SDK1: variants seen among roughly 807,000 people sequenced by gnomAD.
SDK1 encodes the protein protein sidekick-1.
In SDK1, 157 loss-of-function variants were observed where a neutral mutation model predicts 245.5. That is an observed-to-expected ratio of 0.64 (90% confidence interval 0.56 to 0.73). The LOEUF (loss-of-function observed/expected upper bound fraction) is 0.73, where lower values mean the gene tolerates loss of function less well. Ranked by LOEUF, SDK1 falls within the 30% of genes least tolerant of loss-of-function variation. The pLI is 0.00. For synonymous variants in SDK1, 1,647 were observed against 1,278.5 expected (o/e 1.29, Z -6.15); for missense variants, 3,583 against 3,002.3 (o/e 1.19, Z -4.52).
intron 5 of SDK1, among the ~76,000 whole-genome samples, chr7:3,880,543 CTTTTTTTTTTTT>C (rs5882008): frequency 6.5e-5 from 6 of 92,004 alleles, no homozygotes; most frequent in Admixed American, 4.1e-4. Context: ...ATGCCCTGGT[CTTTTTTTTTTTT>C]TTTTTTTTTT....
intron 31 of SDK1, among the ~76,000 whole-genome samples, chr7:4,160,472 C>T (rs574525380): frequency 6.6e-6 from 1 of 152,280 alleles, no homozygotes; most frequent in East Asian, 1.9e-4. Context: ...ATCGCCTTCC[C>T]TGGGATGTGC....
intron 1 of SDK1, among the ~76,000 whole-genome samples, chr7:3,614,150 T>C (rs893600097): frequency 3.9e-5 from 6 of 152,220 alleles, no homozygotes; most frequent in African/African-American, 1.4e-4. Flanking sequence ...TGATGTTGTC[T>C]TGAGACAATG....
intron 4 of SDK1, among the ~76,000 whole-genome samples, chr7:3,654,157 G>A (rs1218765229): frequency 1.3e-5 from 2 of 152,146 alleles, no homozygotes; most frequent in Non-Finnish European, 2.9e-5. Flanking sequence ...GCCCCACCGT[G>A]CTTCTGTAAA....
At chr7:3,971,403 C>A in intron 11 of SDK1, 63 bp from the exon 12 acceptor site, 2 of 1,140,744 alleles carry the variant, frequency 1.8e-6, no homozygotes, top group South Asian at 1.3e-5. Flanking sequence ...GCATTATCCC[C>A]CCTGAGGGCA....
chr7:4,266,666 A>G lies in SDK1; in HGVS notation c.*1282A>G, dbSNP rs747300619. The G allele has an allele frequency of 3.9e-5, 38 of 985,480 alleles. No individual in the cohort carries two copies. In the South Asian group the frequency reaches 1.1e-3, roughly 28 times the overall value. The allele number at this position is 985,480 out of a possible 1,614,324, so 61.0% of individuals were successfully genotyped here. A position where few individuals can be genotyped will look rare whatever the true frequency, so the allele number is the denominator to read the frequency against. On this transcript the variant is annotated 3_prime_UTR_variant, in exon 45 of 45. Coordinates refer to ENST00000404826, the MANE Select transcript of SDK1 (RefSeq NM_152744.4). ...CTTTGGAAAACTTAACAGCTCAGAG[A>G]TGGCCATGCCTCCAGCCCCTCACGT...
intron 20 of SDK1, among the ~76,000 whole-genome samples, chr7:4,071,559 A>G (rs1780257996): frequency 6.6e-6 from 1 of 152,220 alleles, no homozygotes; most frequent in East Asian, 1.9e-4. Context: ...AAGCAAAGGC[A>G]GGGGGAACTG....
chr7:3,750,882 T>A (rs1329880535), intron 4 of SDK1, among the ~76,000 whole-genome samples: 1 of 152,234 alleles, frequency 6.6e-6, no homozygotes, highest in East Asian at 1.9e-4. Flanking sequence ...GCTTCAGTTG[T>A]GAAACTGTGC....
At chr7:3,712,369 G>C (rs561412722) in intron 4 of SDK1, among the ~76,000 whole-genome samples, 1 of 152,232 alleles carries the variant, frequency 6.6e-6, no homozygotes, top group South Asian at 2.1e-4. Flanking sequence ...CCCCCAGATG[G>C]GACTGTCTAG....
chr7:4,066,358 G>A (rs1318035417), intron 19 of SDK1, among the ~76,000 whole-genome samples: 4 of 152,190 alleles, frequency 2.6e-5, no homozygotes, highest in African/African-American at 9.7e-5. Flanking sequence ...GGATGGAGGG[G>A]CACTTTCAGG....
intron 4 of SDK1, among the ~76,000 whole-genome samples, chr7:3,761,268 T>C: frequency 1.3e-5 from 2 of 149,332 alleles, no homozygotes; most frequent in African/African-American, 4.9e-5. Context: ...TCCTTTTTTT[T>C]TTTTTTTTTT....
intron 5 of SDK1, among the ~76,000 whole-genome samples, chr7:3,888,474 C>A (rs1777557108): frequency 6.6e-6 from 1 of 152,098 alleles, no homozygotes; most frequent in African/African-American, 2.4e-5. Flanking sequence ...CCCTTGAGGA[C>A]CAAAAGAGAA....
At chr7:3,498,046 C>G (rs1238331190) in intron 1 of SDK1, among the ~76,000 whole-genome samples, 1 of 152,218 alleles carries the variant, frequency 6.6e-6, no homozygotes, top group Non-Finnish European at 1.5e-5. Flanking sequence ...AAGAAACTAA[C>G]ACTCCAAAAG....
intron 7 of SDK1, among the ~76,000 whole-genome samples, chr7:3,956,055 T>C (rs1214530165): frequency 6.6e-6 from 1 of 152,190 alleles, no homozygotes; most frequent in East Asian, 1.9e-4. Flanking sequence ...TGTCTTCATA[T>C]TGTTTCAAAA....
intron 5 of SDK1, among the ~76,000 whole-genome samples, chr7:3,919,066 C>G (rs575084979): frequency 6.6e-6 from 1 of 152,298 alleles, no homozygotes; most frequent in East Asian, 1.9e-4. Flanking sequence ...ATAATGTATG[C>G]TATCACTAAT....
rs559009141 is a variant in SDK1, at chr7:4,192,237, C to T, written c.5099-13642C>T. Among the ~76,000 whole-genome samples the T allele has an allele frequency of 3.7e-4, 57 of 152,304 alleles. 1 individual carries two copies. The South Asian group carries it at 7.3e-3, about 19-fold the overall frequency. ...TTCCCAACAGCACGTGCTCACTTTG[C>T]GTCTCTGTGACAGCATCTTTTTTGC... On this transcript the variant is annotated intron_variant, in intron 35 of 44. Coordinates refer to ENST00000404826, the MANE Select transcript of SDK1 (RefSeq NM_152744.4).
chr7:3,653,343 T>A (rs7810317), intron 4 of SDK1, among the ~76,000 whole-genome samples: 2 of 151,864 alleles, frequency 1.3e-5, no homozygotes, highest in Admixed American at 6.6e-5. Flanking sequence ...AAAACTCGGT[T>A]GTCACTTGGG....
intron 1 of SDK1, among the ~76,000 whole-genome samples, chr7:3,446,052 C>A (rs1780332867): frequency 6.6e-6 from 1 of 152,062 alleles, no homozygotes; most frequent in Admixed American, 6.6e-5. Flanking sequence ...TCTTTTCTTT[C>A]AGCCCTTGAA....
intron 30 of SDK1, among the ~76,000 whole-genome samples, chr7:4,151,079 T>C (rs950429262): frequency 6.6e-6 from 1 of 152,158 alleles, no homozygotes; most frequent in Admixed American, 6.5e-5. Context: ...CAGTATCGCC[T>C]TTGCCACCCC....
At chr7:3,502,713 G>A (rs1447876233) in intron 1 of SDK1, among the ~76,000 whole-genome samples, 2 of 152,008 alleles carry the variant, frequency 1.3e-5, no homozygotes, top group African/African-American at 4.8e-5. Flanking sequence ...TGTGTTATTG[G>A]GGTACCGTTT....
Sources: allele counts gnomAD v4.1 joint callset (sites outside exome capture counted in the v4.1 genomes callset), GRCh38; gene constraint gnomAD v4.1.1; transcripts MANE v1.5; gene names NCBI Gene and HGNC (gene_info 2026-07-23, HGNC 2026-07-21).